Variants in NRK observed in about 807,000 individuals in gnomAD.
NRK encodes the protein Nik related kinase.
Under a neutral mutation model 125.2 loss-of-function variants are expected in NRK, and 67 were observed. That is an observed-to-expected ratio of 0.54 (90% confidence interval 0.44 to 0.66). The LOEUF (loss-of-function observed/expected upper bound fraction) is 0.66. Ranked by LOEUF, NRK falls within the 30% of genes least tolerant of loss-of-function variation. The probability of loss-of-function intolerance (pLI) is 0.00; values close to 1 mark genes in which losing one functional copy is unlikely to be tolerated. For missense variants in NRK, 1,224 were observed against 1,192.9 expected (o/e 1.03, Z -0.38); for synonymous variants, 458 against 429.0 (o/e 1.07, Z -0.84).
At chrX:105,850,877 T>C (rs764360409) in intron 2 of NRK, among the ~76,000 whole-genome samples, 14 of 112,313 alleles carry the variant, frequency 1.2e-4, no homozygotes, top group African/African-American at 4.5e-4. Flanking sequence ...TTCCTGTCTT[T>C]TTCTGAGCCC....
chrX:105,833,580 A>T (rs1265919072), intron 2 of NRK, among the ~76,000 whole-genome samples: 1 of 111,484 alleles, frequency 9.0e-6, no homozygotes, highest in Non-Finnish European at 1.9e-5. Flanking sequence ...AAAGATGGCT[A>T]CTCATTATCA....
At chrX:105,855,338 G>A (rs761253795) in intron 2 of NRK, among the ~76,000 whole-genome samples, 18 of 112,003 alleles carry the variant, frequency 1.6e-4, no homozygotes, top group Admixed American at 1.4e-3. Context: ...AACTAGAAGA[G>A]CATAAAGAAA....
chrX:105,870,049 G>T (rs181794181), intron 2 of NRK, among the ~76,000 whole-genome samples: 4 of 111,241 alleles, frequency 3.6e-5, no homozygotes, highest in African/African-American at 1.3e-4. Context: ...ACCTTAAAAG[G>T]AAAAGGTATA....
chrX:105,863,819 CTG>C (rs1350945586), intron 2 of NRK, among the ~76,000 whole-genome samples: 4 of 112,089 alleles, frequency 3.6e-5, no homozygotes, highest in African/African-American at 1.3e-4. Flanking sequence ...ATTTCTCAGA[CTG>C]TCATTTCCCA....
chrX:105,924,460 A>T (rs1006102416), intron 18 of NRK, among the ~76,000 whole-genome samples: 3 of 111,803 alleles, frequency 2.7e-5, no homozygotes, highest in Non-Finnish European at 5.6e-5. Flanking sequence ...TCCCTCTGCC[A>T]TCCAAATGCA....
intron 2 of NRK, among the ~76,000 whole-genome samples, chrX:105,857,850 T>A (rs1008003781): frequency 3.6e-5 from 4 of 111,440 alleles, no homozygotes; most frequent in Non-Finnish European, 5.7e-5. Flanking sequence ...AAGATTTCCT[T>A]TTCATCTTCC....
intron 18 of NRK, among the ~76,000 whole-genome samples, chrX:105,924,033 A>C (rs1017115031): frequency 1.9e-5 from 2 of 107,417 alleles, no homozygotes; most frequent in Admixed American, 1.0e-4. Flanking sequence ...ATTATGAAAT[A>C]AATTTACTTT....
At chrX:105,847,432 G>C in intron 2 of NRK, among the ~76,000 whole-genome samples, 1 of 112,459 alleles carries the variant, frequency 8.9e-6, no homozygotes, top group Non-Finnish European at 1.9e-5. Flanking sequence ...ATTTAAGAAA[G>C]ATTCAATTAA....
intron 2 of NRK, among the ~76,000 whole-genome samples, chrX:105,840,764 G>A (rs2039321108): frequency 9.1e-6 from 1 of 110,280 alleles, no homozygotes; most frequent in South Asian, 3.8e-4. Context: ...AGTGTTAGAA[G>A]TAATAATGTA....
intron 16 of NRK, among the ~76,000 whole-genome samples, chrX:105,919,870 T>C (rs1476400270): frequency 9.1e-6 from 1 of 110,431 alleles, no homozygotes; most frequent in African/African-American, 3.3e-5. Context: ...GGTAGTTTCT[T>C]TTGCTGTGCA....
At chrX:105,898,054 C>G (rs1486820842) in intron 7 of NRK, among the ~76,000 whole-genome samples, 1 of 111,895 alleles carries the variant, frequency 8.9e-6, no homozygotes, top group Non-Finnish European at 1.9e-5. Flanking sequence ...ATAATCTAAG[C>G]TAAGATGTAG....
chrX:105,924,666 T>C, intron 18 of NRK, 29 bp from the exon 19 acceptor site: 1 of 1,136,688 alleles, frequency 8.8e-7, no homozygotes, highest in Non-Finnish European at 1.2e-6. Flanking sequence ...TTGCGTGACT[T>C]TCTTTCATTA....
intron 25 of NRK, 80 bp downstream of exon 25, chrX:105,946,095 G>C: frequency 1.0e-6 from 1 of 980,647 alleles, no homozygotes; most frequent in Non-Finnish European, 1.4e-6. Flanking sequence ...CCTTTGAAGA[G>C]AAACTCAATA....
chrX:105,841,730 GAAATA>G (rs1330745543), intron 2 of NRK, among the ~76,000 whole-genome samples: 1 of 111,641 alleles, frequency 9.0e-6, no homozygotes, highest in African/African-American at 3.2e-5. Flanking sequence ...TTGACTCTGA[GAAATA>G]AAATAAAATA....
intron 27 of NRK, 107 bp from the exon 28 acceptor site, chrX:105,952,927 C>T: frequency 6.1e-6 from 4 of 659,294 alleles, no homozygotes; most frequent in Non-Finnish European, 8.5e-6. Context: ...CTAACCTGAA[C>T]TGTAACAATG....
At chrX:105,907,693 C>T (rs1265422809) in intron 11 of NRK, 2 of 111,945 alleles carry the variant, frequency 1.8e-5, no homozygotes, top group Non-Finnish European at 3.8e-5. Flanking sequence ...AATATAGTTG[C>T]CCTGAACATT....
At chrX:105,928,905 T>C (rs2040558842) in intron 19 of NRK, among the ~76,000 whole-genome samples, 1 of 111,949 alleles carries the variant, frequency 8.9e-6, no homozygotes. Flanking sequence ...TCCCAACATA[T>C]GGTCAGTCTT....
At chrX:105,843,801 T>C (rs1408654290) in intron 2 of NRK, among the ~76,000 whole-genome samples, 2 of 110,809 alleles carry the variant, frequency 1.8e-5, no homozygotes, top group East Asian at 5.7e-4. Context: ...AAAACACATA[T>C]AAATAAGAGC....
intron 2 of NRK, among the ~76,000 whole-genome samples, chrX:105,834,327 T>A (rs932928784): frequency 8.9e-6 from 1 of 111,850 alleles, no homozygotes; most frequent in Non-Finnish European, 1.9e-5. Context: ...ACTTGCATAG[T>A]TTCTGAAGTC....
Sources: allele counts gnomAD v4.1 joint callset (sites outside exome capture counted in the v4.1 genomes callset), GRCh38; gene constraint gnomAD v4.1.1; transcripts MANE v1.5; gene names NCBI Gene and HGNC (gene_info 2026-07-23, HGNC 2026-07-21).